CPA4: variants seen among roughly 807,000 people sequenced by gnomAD.
CPA4 encodes the protein carboxypeptidase A4, also known as carboxypeptidase A3.
CPA4 carries 49 observed loss-of-function variants against 54.7 expected under a neutral mutation model. The observed-to-expected ratio is 0.90, with a 90% CI of 0.71 to 1.14. The LOEUF (loss-of-function observed/expected upper bound fraction) is 1.14. CPA4 is among the 50% of genes most tolerant of loss of function. CPA4 has a pLI of 0.00. For synonymous variants in CPA4, 215 were observed against 206.8 expected (o/e 1.04, Z -0.34); for missense variants, 487 against 525.1 (o/e 0.93, Z 0.71).
intron 10 of CPA4, among the ~76,000 whole-genome samples, chr7:130,315,498 T>C (rs534379282): frequency 6.6e-6 from 1 of 152,272 alleles, no homozygotes; most frequent in African/African-American, 2.4e-5. Flanking sequence ...GATGTGTGGC[T>C]TCCAGGTGAT....
At chr7:130,298,587 G>A (rs1793689381) in intron 1 of CPA4, among the ~76,000 whole-genome samples, 159 bp from the exon 2 acceptor site, 1 of 152,098 alleles carries the variant, frequency 6.6e-6, no homozygotes, top group Non-Finnish European at 1.5e-5. Context: ...TAGTTGCCAT[G>A]TAGCCTCATT....
intron 9 of CPA4, 23 bp from the exon 10 acceptor site, chr7:130,312,015 C>T (rs1793922942): frequency 1.3e-6 from 2 of 1,599,556 alleles, no homozygotes; most frequent in Non-Finnish European, 1.7e-6. Flanking sequence ...TTTTTTCTCA[C>T]TCCACGGATT....
At chr7:130,317,526 A>C (rs894502111) in intron 10 of CPA4, among the ~76,000 whole-genome samples, 1 of 152,206 alleles carries the variant, frequency 6.6e-6, no homozygotes, top group Non-Finnish European at 1.5e-5. Flanking sequence ...GCACTGGTGC[A>C]ATCTCGGCTC....
At chr7:130,321,130 G>A (rs1194540879) in intron 10 of CPA4, among the ~76,000 whole-genome samples, 1 of 152,324 alleles carries the variant, frequency 6.6e-6, no homozygotes, top group Non-Finnish European at 1.5e-5. Context: ...AGGAGGTCAA[G>A]GCTGCAGTAA....
At chr7:130,305,794 G>C (rs182983229) in intron 5 of CPA4, 22 bp from the exon 6 acceptor site, 24 of 1,599,430 alleles carry the variant, frequency 1.5e-5, no homozygotes, top group Non-Finnish European at 2.1e-5. Flanking sequence ...GGTCATTTTC[G>C]AGCCTTTTCT....
chr7:130,300,270 T>C (rs557646545), intron 3 of CPA4, among the ~76,000 whole-genome samples: 2 of 152,114 alleles, frequency 1.3e-5, no homozygotes, highest in South Asian at 2.1e-4. Context: ...AGAGCGCATA[T>C]GTTGCTTCCA....
intron 10 of CPA4, among the ~76,000 whole-genome samples, chr7:130,318,735 C>T (rs1794031624): frequency 6.6e-6 from 1 of 152,030 alleles, no homozygotes; most frequent in Non-Finnish European, 1.5e-5. Context: ...TTCTAAGAGC[C>T]CATCTTCCAT....
intron 4 of CPA4, among the ~76,000 whole-genome samples, chr7:130,303,784 G>A (rs1314003691): frequency 8.6e-5 from 12 of 139,824 alleles, no homozygotes; most frequent in Non-Finnish European, 1.7e-4. Context: ...ACACGCCACC[G>A]CAGCTGCCTA....
At chr7:130,307,945 G>C (rs2117147654) in intron 7 of CPA4, among the ~76,000 whole-genome samples, 1 of 152,306 alleles carries the variant, frequency 6.6e-6, no homozygotes, top group African/African-American at 2.4e-5. Flanking sequence ...TTTTAGGCAA[G>C]CAAGAAACAG....
At chr7:130,298,387 A>G (rs2117132663) in intron 1 of CPA4, among the ~76,000 whole-genome samples, 1 of 152,296 alleles carries the variant, frequency 6.6e-6, no homozygotes, top group Middle Eastern at 3.4e-3. Flanking sequence ...TACAAGGGGG[A>G]AAAAAGTAAG....
intron 9 of CPA4, among the ~76,000 whole-genome samples, chr7:130,311,507 G>A (rs182446503): frequency 1.2e-3 from 179 of 152,238 alleles, no homozygotes; most frequent in Non-Finnish European, 2.1e-3. Flanking sequence ...GGCAAAGTGC[G>A]GGCTTGATTC....
At position 130,305,921 on chromosome 7, in the gene CPA4, G is replaced by A; in HGVS notation, c.591+1G>A. 1 of 1,610,310 alleles carries A rather than the reference G, an allele frequency of 6.2e-7. No homozygotes were observed. Among genetic ancestry groups the A allele is most frequent in the Non-Finnish European group, 8.5e-7 (1 of 1,176,660 alleles). On this transcript the variant is annotated splice_donor_variant, in intron 6 of 10. Transcript: ENST00000222482. LOFTEE classifies it high-confidence loss of function. ...CACTGCAATCTGGACGGCAAGGAAGGTCATGCTGCGTGGTATTAGCCAGGA... is the reference window on the plus strand; with the variant it reads ...CACTGCAATCTGGACGGCAAGGAAGATCATGCTGCGTGGTATTAGCCAGGA...
At chr7:130,296,191 A>G (rs1171778964) in intron 1 of CPA4, among the ~76,000 whole-genome samples, 1 of 152,194 alleles carries the variant, frequency 6.6e-6, no homozygotes, top group African/African-American at 2.4e-5. Context: ...AAAGCATACA[A>G]AAGTACGCGG....
intron 9 of CPA4, among the ~76,000 whole-genome samples, chr7:130,311,582 G>A (rs556372238): frequency 7.8e-4 from 117 of 149,556 alleles, no homozygotes; most frequent in African/African-American, 2.7e-3. Flanking sequence ...CACCTATGGC[G>A]GTCCTTCTCC....
rs757246159 is a variant in CPA4 at position 130,306,873 on chromosome 7, T to C, written c.678T>C (p.Asp226=). The part of the protein sequence containing the change: ...DIFLLPVANP[D]GYVYTQTQNR... The stretch of plus-strand genomic sequence containing the variant: ...TCTTGTTGCCTGTGGCCAATCCTGA[T>C]GGATATGTGTATACTCAAACTCAAG... Residue 226 remains aspartate, a synonymous_variant, in exon 7 of 11, where the codon GAT becomes GAC. Transcript: ENST00000222482. 2.1e-5 allele frequency: 34 copies of C among 1,601,170 alleles called. No individual in the cohort carries two copies. Among genetic ancestry groups the C allele is most frequent in the Non-Finnish European group, 2.7e-5 (31 of 1,168,324 alleles).
At chr7:130,316,012 G>C (rs985626628) in intron 10 of CPA4, among the ~76,000 whole-genome samples, 1 of 152,118 alleles carries the variant, frequency 6.6e-6, no homozygotes, top group Non-Finnish European at 1.5e-5. Flanking sequence ...AACCAGTATG[G>C]GGGTTTGAAT....
intron 2 of CPA4, 126 bp from the exon 3 acceptor site, chr7:130,299,144 T>C: frequency 1.0e-6 from 1 of 1,002,170 alleles, no homozygotes; most frequent in Non-Finnish European, 1.5e-6. Context: ...GGGCAAACTT[T>C]GCCCTTGGGC....
intron 1 of CPA4, among the ~76,000 whole-genome samples, chr7:130,297,194 A>G (rs565774120): frequency 2.8e-4 from 43 of 152,170 alleles, no homozygotes; most frequent in African/African-American, 9.6e-4. Flanking sequence ...GCCTCAAGCA[A>G]TCCTCTCACC....
chr7:130,297,966 G>A (rs1584744475), intron 1 of CPA4, among the ~76,000 whole-genome samples: 1 of 152,168 alleles, frequency 6.6e-6, no homozygotes, highest in African/African-American at 2.4e-5. Flanking sequence ...TATGAAGCAA[G>A]CTCAGGACAA....
Sources: allele counts gnomAD v4.1 joint callset (sites outside exome capture counted in the v4.1 genomes callset), GRCh38; gene constraint gnomAD v4.1.1; transcripts MANE v1.5; gene names NCBI Gene and HGNC (gene_info 2026-07-23, HGNC 2026-07-21).